Variants in SERINC1 observed in about 807,000 individuals in gnomAD.
The protein encoded by SERINC1 is serine incorporator 1.
A neutral mutation model predicts 52.9 loss-of-function variants in SERINC1; 38 were observed. The ratio of observed to expected loss-of-function variants is 0.72; its 90% CI spans 0.55 to 0.94. The LOEUF is 0.94. Ranked by LOEUF, SERINC1 falls within the 40% of genes least tolerant of loss-of-function variation. The probability of loss-of-function intolerance (pLI) is 0.00; values close to 1 mark genes in which losing one functional copy is unlikely to be tolerated. For missense variants in SERINC1, 471 were observed against 533.9 expected, an observed-to-expected ratio of 0.88 and a Z score of 1.16; for synonymous variants, 198 against 183.1, an observed-to-expected ratio of 1.08 and a Z score of -0.66.
At chr6:122,451,432 G>T (rs538543914) in intron 7 of SERINC1, among the ~76,000 whole-genome samples, 2 of 151,950 alleles carry the variant, frequency 1.3e-5, no homozygotes, top group Admixed American at 1.3e-4. Flanking sequence ...GTTTCATTGT[G>T]GTGCTCTGAA....
At chr6:122,465,571 T>C (rs777159006) in intron 1 of SERINC1, among the ~76,000 whole-genome samples, 1 of 152,196 alleles carries the variant, frequency 6.6e-6, no homozygotes, top group African/African-American at 2.4e-5. Context: ...GATCTATCAA[T>C]AGCCCTAGAT....
In SERINC1 at chr6:122,445,104, G is replaced by A. The variant is rs759855681; in HGVS notation, c.1302C>T (p.Ile434=). 16 of 1,613,860 alleles carry A rather than the reference G, an allele frequency of 9.9e-6. No homozygotes were observed. Among genetic ancestry groups the A allele is most frequent in the Admixed American group, 1.7e-5 (1 of 60,010 alleles). ...CCACGAGTGTCCAAACATACAGCAC[G>A]ATGCCAATCCAACTGGAAGAGATTT... is the stretch of plus-strand genomic sequence containing the variant. The part of the protein sequence containing the change: ...WVKISSSWIG[I]VLYVWTLVAP... The change falls in exon 10 of 10, where the codon ATC becomes ATT. Residue 434 remains isoleucine (I), a synonymous_variant. Coordinates refer to ENST00000339697, the MANE Select transcript of SERINC1 (RefSeq NM_020755.4).
intron 9 of SERINC1, 29 bp downstream of exon 9, chr6:122,446,745 C>T (rs965485081): frequency 7.0e-7 from 1 of 1,431,522 alleles, no homozygotes; most frequent in Non-Finnish European, 9.8e-7. Flanking sequence ...AGAATTCACA[C>T]ATCCAGAGTT....
chr6:122,445,812 G>A (rs1320568946), intron 9 of SERINC1, among the ~76,000 whole-genome samples: 3 of 71,264 alleles, frequency 4.2e-5, no homozygotes, highest in South Asian at 1.3e-3. Context: ...CGTGAACCTG[G>A]GAGACAGCTT....
chr6:122,470,724 A>G (rs1229428333), intron 1 of SERINC1, among the ~76,000 whole-genome samples: 1 of 152,156 alleles, frequency 6.6e-6, no homozygotes, highest in Non-Finnish European at 1.5e-5. Flanking sequence ...ATATAACGGA[A>G]TCATTTGGGA....
intron 1 of SERINC1, among the ~76,000 whole-genome samples, chr6:122,467,009 G>T (rs1447434938): frequency 6.6e-6 from 1 of 152,164 alleles, no homozygotes; most frequent in Non-Finnish European, 1.5e-5. Context: ...TTCCAATCTA[G>T]ACTTCTATGA....
intron 1 of SERINC1, among the ~76,000 whole-genome samples, chr6:122,468,470 T>C (rs1170235481): frequency 3.9e-5 from 6 of 152,194 alleles, no homozygotes; most frequent in African/African-American, 1.2e-4. Context: ...ATCACTGCTA[T>C]GGAAACACCT....
At chr6:122,455,021 T>A (rs2114481265) in intron 3 of SERINC1, among the ~76,000 whole-genome samples, 1 of 152,334 alleles carries the variant, frequency 6.6e-6, no homozygotes. Flanking sequence ...TAACTTTATG[T>A]AATTAGTATT....
intron 1 of SERINC1, among the ~76,000 whole-genome samples, chr6:122,467,935 TAAAC>T (rs1775214872): frequency 6.6e-6 from 1 of 151,952 alleles, no homozygotes; most frequent in Admixed American, 6.6e-5. Flanking sequence ...CTAAAACAAA[TAAAC>T]AAAATCAAGA....
chr6:122,468,935 G>T (rs1161486361), intron 1 of SERINC1, among the ~76,000 whole-genome samples: 1 of 152,152 alleles, frequency 6.6e-6, no homozygotes, highest in Admixed American at 6.5e-5. Context: ...TAATACCAAT[G>T]TTGAGACTGG....
chr6:122,461,389 C>T (rs191407557), intron 1 of SERINC1, among the ~76,000 whole-genome samples: 215 of 151,188 alleles, frequency 1.4e-3, no homozygotes, highest in African/African-American at 5.1e-3. Context: ...AAATCAGTAC[C>T]GAAAGAAAAA....
At position 122,445,136 on chromosome 6, in the gene SERINC1, A is replaced by C. The variant is rs754295358; in HGVS notation, c.1270T>G (p.Trp424Gly). Residue 424 changes from tryptophan to glycine, a missense_variant, in exon 10 of 10, where the codon TGG becomes GGG. Physicochemically the swap from Trp to Gly is radical, Grantham distance 184. Coordinates refer to ENST00000339697, the MANE Select transcript of SERINC1 (RefSeq NM_020755.4). ...ATCCAACTGGAAGAGATTTTCACCC[A>C]GACAGCTGTCCACTGACTTTTCATC... ...REMKSQWTAV[W>G]VKISSSWIGI... The C allele has an allele frequency of 5.6e-6, 9 of 1,614,054 alleles. No homozygotes were observed. Among genetic ancestry groups the C allele is most frequent in the Admixed American group, 3.3e-5 (2 of 60,012 alleles).
intron 1 of SERINC1, among the ~76,000 whole-genome samples, chr6:122,470,344 C>A (rs1775261106): frequency 1.3e-5 from 2 of 152,200 alleles, no homozygotes; most frequent in Admixed American, 1.3e-4. Flanking sequence ...AAAGGGAAAA[C>A]ATGTATCTCA....
At chr6:122,458,354 A>C (rs1011971820) in intron 2 of SERINC1, among the ~76,000 whole-genome samples, 166 bp downstream of exon 2, 7 of 152,168 alleles carry the variant, frequency 4.6e-5, no homozygotes, top group Admixed American at 1.3e-4. Context: ...AGAACTTAAC[A>C]AACTAATGTA....
At chr6:122,460,945 T>C (rs1775090325) in intron 1 of SERINC1, among the ~76,000 whole-genome samples, 1 of 151,924 alleles carries the variant, frequency 6.6e-6, no homozygotes, top group South Asian at 2.1e-4. Flanking sequence ...GCCCCCTAAA[T>C]ATTGACAAGA....
At chr6:122,447,053 A>G (rs1225311730) in intron 8 of SERINC1, 49 bp from the exon 9 acceptor site, 1 of 1,580,304 alleles carries the variant, frequency 6.3e-7, no homozygotes, top group Admixed American at 1.7e-5. Context: ...ACATTTTTAA[A>G]AGAAATGATT....
At chr6:122,454,111 TA>T in intron 4 of SERINC1, 39 bp downstream of exon 4, 1 of 1,336,670 alleles carries the variant, frequency 7.5e-7, no homozygotes, top group Non-Finnish European at 1.0e-6. Context: ...GATTCCTTTA[TA>T]AAATATCAAT....
chr6:122,453,816 C>T lies in SERINC1; in HGVS notation c.543G>A (p.Ser181=), dbSNP rs755971588. ...LIDFAHSWNE[S]WVEKMEEGNS... ...TCCCTTCTTCCATTTTTTCAACCCACGATTCATTCCATGAATGTGCAAAAT... is the reference window on the plus strand; with the variant it reads ...TCCCTTCTTCCATTTTTTCAACCCATGATTCATTCCATGAATGTGCAAAAT... The change falls in exon 5 of 10, where the codon TCG becomes TCA. Residue 181 remains serine, a synonymous_variant. Coordinates refer to ENST00000339697, the MANE Select transcript of SERINC1 (RefSeq NM_020755.4). The T allele has an allele frequency of 3.6e-5, 58 of 1,608,542 alleles. No individual in the cohort carries two copies. In the Middle Eastern group the frequency reaches 4.9e-4, roughly 14 times the overall value.
At chr6:122,456,706 A>C (rs550792925) in intron 2 of SERINC1, 56 bp from the exon 3 acceptor site, 1 of 1,299,128 alleles carries the variant, frequency 7.7e-7, no homozygotes, top group Non-Finnish European at 1.0e-6. Flanking sequence ...GTAAAAATAA[A>C]AATTACATGT....
Sources: gnomAD v4.1 joint callset for allele counts (sites outside exome capture counted in the v4.1 genomes callset) on GRCh38, gnomAD v4.1.1 for gene constraint, MANE v1.5 for transcripts, NCBI Gene and HGNC (gene_info 2026-07-23, HGNC 2026-07-21) for gene names.